The following PXDN variants were observed in gnomAD, a reference collection of about 807,000 sequenced individuals.
The protein encoded by PXDN is peroxidasin homolog.
A neutral mutation model predicts 140.3 loss-of-function variants in PXDN; 77 were observed. That is an observed-to-expected ratio of 0.55 (90% CI 0.46 to 0.66). The LOEUF is 0.66. Among genes scored for constraint, PXDN ranks in the 30% least tolerant of loss-of-function variants. PXDN has a pLI of 0.00. For synonymous variants in PXDN, 911 were observed against 857.4 expected, an observed-to-expected ratio of 1.06 and a Z score of -1.09; for missense variants, 1,838 against 2,039.5, an observed-to-expected ratio of 0.90 and a Z score of 1.90.
intron 1 of PXDN, among the ~76,000 whole-genome samples, chr2:1,712,962 T>G (rs1384434258): frequency 1.3e-5 from 2 of 152,198 alleles, no homozygotes; most frequent in East Asian, 1.9e-4. Context: ...TGATCTCGGG[T>G]GATCCACCCG....
At chr2:1,655,667 GC>G (rs1249983839) in intron 14 of PXDN, among the ~76,000 whole-genome samples, 1 of 117,256 alleles carries the variant, frequency 8.5e-6, no homozygotes, top group African/African-American at 3.4e-5. Context: ...ACAGGAATCT[GC>G]CCCCTCCTGA....
chr2:1,739,320 A>T (rs1282416353), intron 1 of PXDN, among the ~76,000 whole-genome samples: 1 of 152,180 alleles, frequency 6.6e-6, no homozygotes, highest in Non-Finnish European at 1.5e-5. Flanking sequence ...CAGAGAAGCA[A>T]GCCAAGTCAC....
Position 1,665,571 on chromosome 2 carries a change from G to A in PXDN, c.1292-497C>T, listed in dbSNP as rs567431869. ...CACAAAAAAAGTAAATCCATGTAAC[G>A]CAGTTGCACTGCTGTGCGTGCAGAT... On this transcript the variant is annotated intron_variant, in intron 10 of 22. Coordinates refer to ENST00000252804, the MANE Select transcript of PXDN (RefSeq NM_012293.3). 1.8e-4 allele frequency among the ~76,000 whole-genome samples: 28 copies of A among 152,304 alleles called. 1 individual carries two copies. The highest frequency in any genetic ancestry group is 6.3e-4 in the African/African-American group (26 of 41,578).
intron 10 of PXDN, among the ~76,000 whole-genome samples, chr2:1,665,332 G>A (rs775541973): frequency 6.6e-6 from 1 of 152,162 alleles, no homozygotes; most frequent in East Asian, 1.9e-4. Flanking sequence ...CAATGCACAC[G>A]GGGCACGGAT....
chr2:1,663,546 G>A, intron 12 of PXDN, 59 bp downstream of exon 12: 1 of 1,587,208 alleles, frequency 6.3e-7, no homozygotes, highest in Non-Finnish European at 8.6e-7. Flanking sequence ...GCGGAATTCT[G>A]TGTTTCCTGA....
chr2:1,733,750 A>AAAAAAAAC, intron 1 of PXDN, among the ~76,000 whole-genome samples: 1 of 149,452 alleles, frequency 6.7e-6, no homozygotes, highest in East Asian at 1.9e-4. Context: ...TCAAATGACA[A>AAAAAAAAC]AAAAAAAAAA....
At chr2:1,716,197 G>A (rs1231261504) in intron 1 of PXDN, among the ~76,000 whole-genome samples, 1 of 152,148 alleles carries the variant, frequency 6.6e-6, no homozygotes. Flanking sequence ...CAGCACTTTG[G>A]CAGGCTGAGG....
Position 1,714,547 on chromosome 2 carries a change from T to A in PXDN, c.201-21413A>T, listed in dbSNP as rs978123710. On this transcript the variant is annotated intron_variant, in intron 1 of 22. Transcript: ENST00000252804. The surrounding 1 kb of genome is among the most constrained non-coding windows in gnomAD (Gnocchi z 4.3). ...CCCACAGCAGGCCCAGTGCGTGCATTCCCTGAAAGGCCAGGTGGGGACATC... is the reference window on the plus strand; with the variant it reads ...CCCACAGCAGGCCCAGTGCGTGCATACCCTGAAAGGCCAGGTGGGGACATC... Among the ~76,000 whole-genome samples the A allele has an allele frequency of 5.3e-5, 8 of 152,136 alleles. No homozygotes were observed. The highest frequency in any genetic ancestry group is 1.9e-4 in the African/African-American group (8 of 41,448).
Position 1,660,511 on chromosome 2 carries a change from AG to A in PXDN, c.1837+369del, listed in dbSNP as rs778256692. On this transcript the variant is annotated intron_variant, in intron 14 of 22. Transcript: ENST00000252804. The surrounding 1 kb of genome is among the most constrained non-coding windows in gnomAD (Gnocchi z 4.6). ...CAGCTAAGGAATCAGAATCTCTTCAAGCAACCATATTTGCCAAATTGTAACT... is the reference window on the plus strand; with the variant it reads ...CAGCTAAGGAATCAGAATCTCTTCAACAACCATATTTGCCAAATTGTAACT... Among the ~76,000 whole-genome samples, 3 of 152,240 alleles carry A rather than the reference AG, an allele frequency of 2.0e-5. No homozygotes were observed. Among genetic ancestry groups the A allele is most frequent in the Non-Finnish European group, 2.9e-5 (2 of 68,050 alleles).
intron 1 of PXDN, among the ~76,000 whole-genome samples, chr2:1,735,066 A>G (rs1171939058): frequency 6.6e-6 from 1 of 151,430 alleles, no homozygotes. Flanking sequence ...CATAGACACA[A>G]CTCCCCCTCT....
Position 1,648,225 on chromosome 2 carries a change from G to A in PXDN, c.3555C>T (p.Phe1185=), listed in dbSNP as rs1046063332. ...VYCNLSAAHT[F]EDLKNEIKNP... ...TTTTAATCTCATTTTTCAGGTCCTCGAACGTGTGTGCCGCCGATAGATTGC... is the reference window on the plus strand; with the variant it reads ...TTTTAATCTCATTTTTCAGGTCCTCAAACGTGTGTGCCGCCGATAGATTGC... The change falls in exon 17 of 23, where the codon TTC becomes TTT. Residue 1185 remains phenylalanine (F), a synonymous_variant. Transcript: ENST00000252804. This position sits in a 1 kb window ranked among gnomAD's most constrained non-coding sequence, Gnocchi z 8.9. The A allele has an allele frequency of 2.5e-6, 4 of 1,613,750 alleles. No homozygotes were observed. Among genetic ancestry groups the A allele is most frequent in the South Asian group, 1.1e-5 (1 of 91,062 alleles).
At chr2:1,720,645 C>CTCTTTCTCTCTCTCTGCATA (rs1182717851) in intron 1 of PXDN, among the ~76,000 whole-genome samples, 2 of 151,034 alleles carry the variant, frequency 1.3e-5, no homozygotes, top group African/African-American at 4.9e-5. Flanking sequence ...CTCTCTGCAT[C>CTCTTTCTCTCTCTCTGCATA]TCTTTCTCTC....
At chr2:1,638,775 A>G (rs1229263670) in intron 21 of PXDN, 71 bp downstream of exon 21, 2 of 1,600,314 alleles carry the variant, frequency 1.2e-6, no homozygotes, top group South Asian at 2.2e-5. Context: ...TGCTATACCC[A>G]GAAGGTTCGG....
At chr2:1,723,005 G>T (rs962820876) in intron 1 of PXDN, among the ~76,000 whole-genome samples, 7 of 152,208 alleles carry the variant, frequency 4.6e-5, no homozygotes, top group African/African-American at 1.4e-4. Context: ...TAGATAGGTG[G>T]GTGATTATGG....
chr2:1,644,944 A>G (rs1217924316), intron 17 of PXDN, among the ~76,000 whole-genome samples, 192 bp from the exon 18 acceptor site: 1 of 152,184 alleles, frequency 6.6e-6, no homozygotes, highest in African/African-American at 2.4e-5. Context: ...ACTTTCTATT[A>G]TATATGTGAG....
chr2:1,638,989 G>A lies in PXDN; in HGVS notation c.4074-11C>T. The A allele has an allele frequency of 1.2e-6, 2 of 1,613,360 alleles. No homozygotes were observed. The highest frequency in any genetic ancestry group is 1.7e-6 in the Non-Finnish European group (2 of 1,179,358). ...CCCTGTCTCCCAACACTGTGGTGAG[G>A]GGAAAGGAGGAGGAGGGAAATATAA... is the stretch of plus-strand genomic sequence containing the variant. On this transcript the variant is annotated splice_polypyrimidine_tract_variant and intron_variant, in intron 20 of 22. Transcript: ENST00000252804.
chr2:1,700,216 T>C (rs1349764191), intron 1 of PXDN, among the ~76,000 whole-genome samples: 1 of 152,068 alleles, frequency 6.6e-6, no homozygotes, highest in Non-Finnish European at 1.5e-5. Context: ...CGCATGCCAC[T>C]GCGCCCAGCT....
At chr2:1,683,094 T>A (rs1007657886) in intron 6 of PXDN, among the ~76,000 whole-genome samples, 1 of 151,714 alleles carries the variant, frequency 6.6e-6, no homozygotes, top group Admixed American at 6.6e-5. Context: ...TTAAATCGTC[T>A]TTAATGGCTG....
intron 1 of PXDN, among the ~76,000 whole-genome samples, chr2:1,701,760 TTGGGAGGTGGGGCCTC>T (rs1440982060): frequency 6.6e-6 from 1 of 152,080 alleles, no homozygotes; most frequent in Non-Finnish European, 1.5e-5. Flanking sequence ...AGGGATGGTG[TTGGGAGGTGGGGCCTC>T]TGGGAGGTGA....
Sources: gnomAD v4.1 joint callset for allele counts (sites outside exome capture counted in the v4.1 genomes callset) on GRCh38, gnomAD v4.1.1 for gene constraint, Gnocchi (gnomAD v3.1) non-coding constraint, MANE v1.5 for transcripts, NCBI Gene and HGNC (gene_info 2026-07-23, HGNC 2026-07-21) for gene names.